LRRC4C: variants seen among roughly 807,000 people sequenced by gnomAD.
The protein encoded by LRRC4C is leucine rich repeat containing 4C.
Under a neutral mutation model 33.6 loss-of-function variants are expected in LRRC4C, and 5 were observed. The observed-to-expected ratio is 0.15, with a 90% CI of 0.08 to 0.31. The LOEUF (loss-of-function observed/expected upper bound fraction) is 0.31. LRRC4C is among the 10% of genes least tolerant of loss of function. LRRC4C has a pLI of 1.00. For synonymous variants in LRRC4C, 329 were observed against 302.0 expected, an observed-to-expected ratio of 1.09 and a Z score of -0.93; for missense variants, 560 against 796.7, an observed-to-expected ratio of 0.70 and a Z score of 3.58.
At chr11:41,181,097 T>G (rs2136153737) in intron 1 of LRRC4C, among the ~76,000 whole-genome samples, 1 of 152,302 alleles carries the variant, frequency 6.6e-6, no homozygotes, top group African/African-American at 2.4e-5. Context: ...TGTTTTCTTA[T>G]TCAGTGAGTG....
At chr11:40,778,863 A>T (rs1482488320) in intron 2 of LRRC4C, among the ~76,000 whole-genome samples, 1 of 152,210 alleles carries the variant, frequency 6.6e-6, no homozygotes, top group Non-Finnish European at 1.5e-5. Flanking sequence ...GGAAAGGGGT[A>T]GGGAATGAGA....
intron 2 of LRRC4C, among the ~76,000 whole-genome samples, chr11:40,764,447 A>T (rs1484199876): frequency 6.6e-6 from 1 of 152,162 alleles, no homozygotes; most frequent in African/African-American, 2.4e-5. Flanking sequence ...GCCACAGTAG[A>T]TAGAACACTA....
chr11:41,381,113 T>G (rs1470993606), intron 1 of LRRC4C, among the ~76,000 whole-genome samples: 1 of 152,078 alleles, frequency 6.6e-6, no homozygotes, highest in Non-Finnish European at 1.5e-5. Flanking sequence ...AGCGAGCACA[T>G]AGGATTTTTG....
Position 41,418,597 on chromosome 11 carries a change from G to A in LRRC4C, c.-496+40834C>T, listed in dbSNP as rs540856114. Reference sequence around the variant, plus strand: ...GATAGAGTAAATATTCAGAGATATCGCCAGCTAGGGGGGTTGGTGAAACAT... The same window carrying A: ...GATAGAGTAAATATTCAGAGATATCACCAGCTAGGGGGGTTGGTGAAACAT... On this transcript the variant is annotated intron_variant, in intron 1 of 6. Coordinates refer to ENST00000528697, the MANE Select transcript of LRRC4C (RefSeq NM_001258419.2). 3.3e-5 allele frequency among the ~76,000 whole-genome samples: 5 copies of A among 151,986 alleles called. No individual in the cohort carries two copies. In the South Asian group the frequency reaches 6.2e-4, roughly 19 times the overall value.
intron 5 of LRRC4C, among the ~76,000 whole-genome samples, chr11:40,176,476 A>G (rs1860496746): frequency 6.6e-6 from 1 of 152,168 alleles, no homozygotes; most frequent in South Asian, 2.1e-4. Context: ...ATATTAAAGC[A>G]AGGGATAAAA....
chr11:40,233,719 A>C (rs1026039662), intron 5 of LRRC4C, among the ~76,000 whole-genome samples: 105 of 152,318 alleles, frequency 6.9e-4, no homozygotes, highest in African/African-American at 2.4e-3. Flanking sequence ...AAAAGCATTT[A>C]GTATTCATTT....
intron 3 of LRRC4C, among the ~76,000 whole-genome samples, chr11:40,515,915 T>C (rs902921381): frequency 6.6e-6 from 1 of 152,050 alleles, no homozygotes; most frequent in African/African-American, 2.4e-5. Context: ...ATGTGATTGA[T>C]TAAAATCCCT....
At chr11:41,123,999 T>G (rs1341569961) in intron 1 of LRRC4C, among the ~76,000 whole-genome samples, 1 of 152,196 alleles carries the variant, frequency 6.6e-6, no homozygotes, top group Non-Finnish European at 1.5e-5. Flanking sequence ...GGCAATTGAT[T>G]TTTGAAGCCT....
chr11:40,132,248 A>G (rs1330805005), intron 6 of LRRC4C, among the ~76,000 whole-genome samples: 1 of 152,176 alleles, frequency 6.6e-6, no homozygotes, highest in Non-Finnish European at 1.5e-5. Flanking sequence ...CCTTCTCATA[A>G]TGAGCTACCA....
intron 4 of LRRC4C, among the ~76,000 whole-genome samples, chr11:40,286,384 C>A (rs1943841324): frequency 6.6e-6 from 1 of 152,026 alleles, no homozygotes. Context: ...GAAAGCTTTC[C>A]TAAGTGCAGA....
intron 1 of LRRC4C, among the ~76,000 whole-genome samples, chr11:41,344,472 G>C (rs565421498): frequency 1.6e-4 from 24 of 151,960 alleles, no homozygotes; most frequent in Non-Finnish European, 3.4e-4. Flanking sequence ...CGCCCGCCTC[G>C]GCCTCCCAAA....
At chr11:40,575,812 C>T (rs904891385) in intron 3 of LRRC4C, among the ~76,000 whole-genome samples, 52 of 152,258 alleles carry the variant, frequency 3.4e-4, no homozygotes, top group African/African-American at 1.3e-3. Flanking sequence ...ATATTTGGAA[C>T]TATACCACTT....
At chr11:40,541,384 G>T (rs1215691808) in intron 3 of LRRC4C, among the ~76,000 whole-genome samples, 1 of 152,080 alleles carries the variant, frequency 6.6e-6, no homozygotes, top group Non-Finnish European at 1.5e-5. Context: ...TGGGATTACA[G>T]GCAGAAGCCA....
intron 1 of LRRC4C, among the ~76,000 whole-genome samples, chr11:41,132,370 CT>C (rs1182292761): frequency 6.6e-6 from 1 of 151,964 alleles, no homozygotes; most frequent in African/African-American, 2.4e-5. Flanking sequence ...AAAATGAAAA[CT>C]TTTTAAATGT....
At chr11:41,031,757 C>T (rs1856741976) in intron 1 of LRRC4C, among the ~76,000 whole-genome samples, 1 of 151,964 alleles carries the variant, frequency 6.6e-6, no homozygotes, top group South Asian at 2.1e-4. Context: ...CAGATATGCA[C>T]CTCAATTTGG....
At chr11:40,725,914 G>A (rs1466033072) in intron 2 of LRRC4C, among the ~76,000 whole-genome samples, 1 of 152,090 alleles carries the variant, frequency 6.6e-6, no homozygotes, top group Non-Finnish European at 1.5e-5. Context: ...TTCTACTTAT[G>A]TGTGAGCCAA....
intron 2 of LRRC4C, among the ~76,000 whole-genome samples, chr11:40,822,823 A>G (rs571620000): frequency 1.3e-5 from 2 of 151,858 alleles, no homozygotes; most frequent in South Asian, 4.1e-4. Context: ...TTCAGTCTTT[A>G]ATTCATTTTG....
At chr11:40,739,910 G>A (rs1948079869) in intron 2 of LRRC4C, among the ~76,000 whole-genome samples, 1 of 151,640 alleles carries the variant, frequency 6.6e-6, no homozygotes, top group African/African-American at 2.4e-5. Context: ...ATGTATGTAT[G>A]TGTGTGTGTA....
chr11:40,511,893 T>C (rs886564897), intron 3 of LRRC4C, among the ~76,000 whole-genome samples: 6 of 152,202 alleles, frequency 3.9e-5, no homozygotes, highest in African/African-American at 1.2e-4. Flanking sequence ...CAAAAGTGAC[T>C]ATTGTAGTAT....
Sources: gnomAD v4.1 joint callset for allele counts (sites outside exome capture counted in the v4.1 genomes callset) on GRCh38, gnomAD v4.1.1 for gene constraint, MANE v1.5 for transcripts, NCBI Gene and HGNC (gene_info 2026-07-23, HGNC 2026-07-21) for gene names.